The following SMCO2 variants were observed in gnomAD, a reference collection of about 807,000 sequenced individuals.
SMCO2 encodes single-pass membrane protein with coiled-coil domains 2, also known as single-pass membrane and coiled-coil domain-containing protein 2.
SMCO2 carries 25 observed loss-of-function variants against 29.5 expected under a neutral mutation model. The ratio of observed to expected loss-of-function variants is 0.85; its 90% CI spans 0.62 to 1.18. The LOEUF is 1.18. Among genes scored for constraint, SMCO2 ranks in the 50% most tolerant of loss-of-function variants. The pLI is 0.00. For missense variants in SMCO2, 348 were observed against 344.5 expected, an observed-to-expected ratio of 1.01 and a Z score of -0.08; for synonymous variants, 117 against 123.3, an observed-to-expected ratio of 0.95 and a Z score of 0.34.
At chr12:27,427,425 A>G in the SMCO2 span, among the ~76,000 whole-genome samples, 1 of 152,184 alleles carries the variant, frequency 6.6e-6, no homozygotes, top group African/African-American at 2.4e-5. Flanking sequence ...CAAACAACAA[A>G]TGGACGTATC....
chr12:27,461,656 CTGTT>C, the SMCO2 span, among the ~76,000 whole-genome samples: 2 of 152,242 alleles, frequency 1.3e-5, no homozygotes, highest in African/African-American at 4.8e-5. Context: ...GCCTTCTCTT[CTGTT>C]TAATTGGTTA....
the SMCO2 span, among the ~76,000 whole-genome samples, chr12:27,434,252 G>A: frequency 6.6e-6 from 1 of 152,138 alleles, no homozygotes; most frequent in African/African-American, 2.4e-5. Context: ...CGCCCCACCT[G>A]AGCCCACTGA....
At chr12:27,480,722 G>C (rs1949635395) in intron 4 of SMCO2, among the ~76,000 whole-genome samples, 1 of 151,658 alleles carries the variant, frequency 6.6e-6, no homozygotes, top group Admixed American at 6.6e-5. Context: ...TCTCTCTCTT[G>C]CTCCTGCTCT....
intron 4 of SMCO2, among the ~76,000 whole-genome samples, chr12:27,481,023 T>C (rs1421669969): frequency 6.6e-6 from 1 of 152,202 alleles, no homozygotes; most frequent in Non-Finnish European, 1.5e-5. Context: ...CTGGGTGTAA[T>C]ACACTGCTTG....
rs555445637 is a variant in SMCO2, at chr12:27,474,653, C to T, written c.235-133C>T. The T allele has an allele frequency of 6.2e-6, 6 of 973,546 alleles. No homozygotes were observed. In the South Asian group the frequency reaches 6.7e-5, roughly 11 times the overall value. The allele number at this position is 973,546 out of a possible 1,614,324, so 60.3% of individuals were successfully genotyped here. A position where few individuals can be genotyped will look rare whatever the true frequency, so the allele number is the denominator to read the frequency against. ...GGCATGTCTGCTTAGCTTACAGATG[C>T]ATCAGAAAGCTCCAGTCTCAGAGAG... On this transcript the variant is annotated intron_variant, in intron 3 of 7. Coordinates refer to ENST00000298876, the Ensembl canonical transcript of SMCO2.
At chr12:27,469,180 TG>T (rs1374444248) in intron 1 of SMCO2, among the ~76,000 whole-genome samples, 1 of 152,216 alleles carries the variant, frequency 6.6e-6, no homozygotes, top group Non-Finnish European at 1.5e-5. Context: ...GCCTTTGTAA[TG>T]CTTAACACCC....
chr12:27,478,686 G>A (rs556647174), intron 4 of SMCO2, among the ~76,000 whole-genome samples: 2 of 152,158 alleles, frequency 1.3e-5, no homozygotes, highest in South Asian at 2.1e-4. Context: ...CAGCAGGAAG[G>A]GTGGGCCTAT....
intron 2 of SMCO2, 36 bp downstream of exon 2, chr12:27,470,801 G>T: frequency 6.5e-7 from 1 of 1,544,548 alleles, no homozygotes. Flanking sequence ...GCAGTTTCTA[G>T]GGTCCCAACT....
At chr12:27,485,021 C>A (rs1949677126) in intron 4 of SMCO2, among the ~76,000 whole-genome samples, 1 of 151,498 alleles carries the variant, frequency 6.6e-6, no homozygotes, top group Non-Finnish European at 1.5e-5. Flanking sequence ...GCCATTATTT[C>A]TTTAAACATT....
At chr12:27,492,230 T>A (rs1942925903) in intron 5 of SMCO2, among the ~76,000 whole-genome samples, 1 of 152,242 alleles carries the variant, frequency 6.6e-6, no homozygotes, top group Non-Finnish European at 1.5e-5. Context: ...CAATTTTCTA[T>A]GCTAGTAGAT....
At chr12:27,425,652 A>G in the SMCO2 span, among the ~76,000 whole-genome samples, 1 of 152,144 alleles carries the variant, frequency 6.6e-6, no homozygotes. Flanking sequence ...TATTGTTCTT[A>G]TACCTGACAA....
chr12:27,491,710 C>CTTTTTTTT (rs370875488), intron 5 of SMCO2, among the ~76,000 whole-genome samples: 1 of 143,546 alleles, frequency 7.0e-6, no homozygotes, highest in African/African-American at 2.5e-5. Flanking sequence ...ATATATAGAT[C>CTTTTTTTT]TTTTTTTTTT....
At chr12:27,453,666 T>G in the SMCO2 span, among the ~76,000 whole-genome samples, 2 of 152,336 alleles carry the variant, frequency 1.3e-5, no homozygotes, top group Non-Finnish European at 2.9e-5. Flanking sequence ...CCTCCAGATG[T>G]TTTTGCTGAG....
At chr12:27,446,026 C>T in the SMCO2 span, among the ~76,000 whole-genome samples, 2 of 152,098 alleles carry the variant, frequency 1.3e-5, no homozygotes, top group African/African-American at 4.8e-5. Flanking sequence ...GCCTCAGCCT[C>T]CCAAGTAGCT....
intron 7 of SMCO2, among the ~76,000 whole-genome samples, chr12:27,496,252 A>G (rs1358140906): frequency 6.7e-6 from 1 of 150,362 alleles, no homozygotes; most frequent in Non-Finnish European, 1.5e-5. Flanking sequence ...AAACAACATT[A>G]AGTCAACACT....
the SMCO2 span, among the ~76,000 whole-genome samples, chr12:27,451,564 G>A: frequency 3.9e-5 from 6 of 152,208 alleles, no homozygotes; most frequent in East Asian, 1.2e-3. Flanking sequence ...TCTAACACGT[G>A]TATTTTCTCC....
chr12:27,450,460 C>G, the SMCO2 span, among the ~76,000 whole-genome samples: 4 of 152,110 alleles, frequency 2.6e-5, no homozygotes, highest in Non-Finnish European at 5.9e-5. Context: ...TGTTAAAATC[C>G]AACACTAGTA....
chr12:27,485,449 A>ATT (rs1565679620), intron 4 of SMCO2, among the ~76,000 whole-genome samples: 1 of 139,800 alleles, frequency 7.2e-6, no homozygotes, highest in African/African-American at 2.9e-5. Context: ...TATTTTTTTA[A>ATT]GTTTTTTTTT....
chr12:27,501,564 A>G (rs1265349794), intron 7 of SMCO2, among the ~76,000 whole-genome samples: 1 of 150,476 alleles, frequency 6.6e-6, no homozygotes, highest in East Asian at 1.9e-4. Flanking sequence ...GTCCTGGGGA[A>G]AATCTAACTG....
Sources: allele counts gnomAD v4.1 joint callset (sites outside exome capture counted in the v4.1 genomes callset), GRCh38; gene constraint gnomAD v4.1.1; transcripts MANE v1.5; gene names NCBI Gene and HGNC (gene_info 2026-07-23, HGNC 2026-07-21).